Variants in RERE observed in about 807,000 individuals in gnomAD.
RERE encodes the protein arginine-glutamic acid dipeptide repeats protein.
A neutral mutation model predicts 146.1 loss-of-function variants in RERE; 40 were observed. The ratio of observed to expected loss-of-function variants is 0.27; its 90% CI spans 0.21 to 0.36. RERE has a LOEUF of 0.36. Among genes scored for constraint, RERE ranks in the 10% least tolerant of loss-of-function variants. The probability of loss-of-function intolerance (pLI) is 1.00; values close to 1 mark genes in which losing one functional copy is unlikely to be tolerated. For synonymous variants in RERE, 1,003 were observed against 866.0 expected (o/e 1.16, Z -2.78); for missense variants, 1,933 against 2,138.7 (o/e 0.90, Z 1.90).
At chr1:8,766,136 A>G (rs549921564) in intron 1 of RERE, among the ~76,000 whole-genome samples, 2 of 152,234 alleles carry the variant, frequency 1.3e-5, no homozygotes, top group South Asian at 4.1e-4. Context: ...AAAAGAAAAA[A>G]CAAACAAAAG....
In RERE at chr1:8,754,949, T is replaced by TAA. The variant is rs1242578521; in HGVS notation, c.-145+62209_-145+62210dup. Among the ~76,000 whole-genome samples, 5 of 152,344 alleles carry TAA rather than the reference T, an allele frequency of 3.3e-5. No individual in the cohort carries two copies. The East Asian group carries it at 9.6e-4, about 29-fold the overall frequency. On this transcript the variant is annotated intron_variant, in intron 1 of 22. Transcript: ENST00000400908. Reference sequence around the variant, plus strand: ...TAGAATTCAAGCCTCAATAAACCCCTAACTAATCTTATGTATTTATTTCCA... The same window carrying TAA: ...TAGAATTCAAGCCTCAATAAACCCCTAAAACTAATCTTATGTATTTATTTCCA...
chr1:8,726,204 G>T (rs1188733817), intron 1 of RERE, among the ~76,000 whole-genome samples: 1 of 138,062 alleles, frequency 7.2e-6, no homozygotes, highest in African/African-American at 2.8e-5. Context: ...GCCCAGGCTG[G>T]AGTGCAGCAG....
chr1:8,419,670 C>T (rs1643867704), intron 12 of RERE, among the ~76,000 whole-genome samples: 1 of 152,186 alleles, frequency 6.6e-6, no homozygotes, highest in Admixed American at 6.5e-5. Flanking sequence ...TATTTCTATG[C>T]ACTCTTTACA....
intron 1 of RERE, among the ~76,000 whole-genome samples, chr1:8,743,602 A>G (rs757513941): frequency 3.3e-5 from 5 of 151,978 alleles, no homozygotes; most frequent in Admixed American, 6.6e-5. Flanking sequence ...CAACTGATAT[A>G]TATTTCATCT....
Position 8,356,922 on chromosome 1 carries a change from C to T in RERE, c.4340-676G>A, listed in dbSNP as rs918933115. Among the ~76,000 whole-genome samples, 5 of 152,174 alleles carry T rather than the reference C, an allele frequency of 3.3e-5. No individual in the cohort carries two copies. The highest frequency in any genetic ancestry group is 5.9e-5 in the Non-Finnish European group (4 of 68,040). On this transcript the variant is annotated intron_variant, in intron 20 of 22. Coordinates refer to ENST00000400908, the MANE Select transcript of RERE (RefSeq NM_001042681.2). This position sits in a 1 kb window ranked among gnomAD's most constrained non-coding sequence, Gnocchi z 5.2. ...GGGTCCCTGGAAGATTGGGAGCCCC[C>T]GCTCTGCCTCTGTGGCTGCTCTTGC...
At chr1:8,736,861 A>C (rs1256876498) in intron 1 of RERE, among the ~76,000 whole-genome samples, 2 of 151,740 alleles carry the variant, frequency 1.3e-5, no homozygotes, top group East Asian at 1.9e-4. Flanking sequence ...GAAAAAAAAA[A>C]AAAAAAAAAA....
At chr1:8,409,527 A>C (rs1435644698) in intron 12 of RERE, among the ~76,000 whole-genome samples, 1 of 152,200 alleles carries the variant, frequency 6.6e-6, no homozygotes, top group Non-Finnish European at 1.5e-5. Flanking sequence ...ATCCCAAAGC[A>C]ATGATTTTAC....
intron 11 of RERE, among the ~76,000 whole-genome samples, chr1:8,445,131 A>G (rs1294218017): frequency 1.3e-5 from 2 of 152,170 alleles, no homozygotes; most frequent in African/African-American, 2.4e-5. Context: ...TAGGGATAAA[A>G]TATTTTTCTT....
chr1:8,466,571 A>G (rs1414349201), intron 10 of RERE, among the ~76,000 whole-genome samples: 5 of 152,080 alleles, frequency 3.3e-5, no homozygotes, highest in South Asian at 2.1e-4. Context: ...GTCACACTAG[A>G]TTATGTTCTT....
chr1:8,600,750 CTT>C (rs59816060), intron 4 of RERE, among the ~76,000 whole-genome samples: 1,585 of 113,404 alleles, frequency 0.014, 14 homozygotes, highest in African/African-American at 0.044. Context: ...CAAGCCAATA[CTT>C]TTTTTTTTTT....
chr1:8,380,675 T>G (rs1427456298), intron 12 of RERE: 1 of 362,522 alleles, frequency 2.8e-6, no homozygotes, highest in Non-Finnish European at 5.5e-6. Context: ...AAGCTTGATT[T>G]TCCAGCTGCA....
chr1:8,495,654 T>C (rs1007747060), intron 9 of RERE, among the ~76,000 whole-genome samples: 2 of 152,138 alleles, frequency 1.3e-5, no homozygotes, highest in Non-Finnish European at 2.9e-5. Flanking sequence ...CAGAAAGACA[T>C]ATGTTACTTT....
intron 12 of RERE, among the ~76,000 whole-genome samples, chr1:8,413,269 G>A (rs1464001198): frequency 1.3e-5 from 2 of 152,142 alleles, no homozygotes; most frequent in Non-Finnish European, 2.9e-5. Flanking sequence ...GCACACATGT[G>A]TGCAGAGTAA....
chr1:8,768,790 A>G lies in RERE; in HGVS notation c.-145+48370T>C, dbSNP rs182401692. 7.7e-4 allele frequency among the ~76,000 whole-genome samples: 117 copies of G among 152,318 alleles called. 1 individual carries two copies. Among genetic ancestry groups the G allele is most frequent in the Non-Finnish European group, 1.5e-3 (100 of 68,024 alleles). On this transcript the variant is annotated intron_variant, in intron 1 of 22. Coordinates refer to ENST00000400908, the MANE Select transcript of RERE (RefSeq NM_001042681.2). The stretch of plus-strand genomic sequence containing the variant: ...GAAGAGCCTTTGGTTCTATTCTCAT[A>G]ATACAAGAGCTCTAAAGTCTCAAAA...
At chr1:8,660,237 T>C (rs1638423920) in intron 1 of RERE, among the ~76,000 whole-genome samples, 1 of 152,204 alleles carries the variant, frequency 6.6e-6, no homozygotes, top group East Asian at 1.9e-4. Flanking sequence ...ATGTTTAGCA[T>C]ATGAATTATA....
intron 2 of RERE, among the ~76,000 whole-genome samples, chr1:8,653,990 G>A (rs1182333225): frequency 1.3e-5 from 2 of 151,030 alleles, no homozygotes; most frequent in Admixed American, 6.6e-5. Context: ...AATTGTAGCT[G>A]TGAATGCAAA....
At chr1:8,361,532 G>A (rs1483248860) in intron 17 of RERE, 42 bp from the exon 18 acceptor site, 3 of 1,597,098 alleles carry the variant, frequency 1.9e-6, no homozygotes, top group South Asian at 1.1e-5. Context: ...CAGGAGGGCA[G>A]AGCCCTGTCT....
At chr1:8,571,461 C>T (rs955919516) in intron 4 of RERE, among the ~76,000 whole-genome samples, 1 of 152,138 alleles carries the variant, frequency 6.6e-6, no homozygotes, top group Non-Finnish European at 1.5e-5. Context: ...AAATTACTGA[C>T]TCAAAAGTTG....
intron 2 of RERE, among the ~76,000 whole-genome samples, chr1:8,631,595 T>C (rs1163073587): frequency 2.6e-5 from 4 of 152,168 alleles, no homozygotes. Context: ...TTAGCCATGG[T>C]TGGACACTTA....
Sources: gnomAD v4.1 joint callset for allele counts (sites outside exome capture counted in the v4.1 genomes callset) on GRCh38, gnomAD v4.1.1 for gene constraint, Gnocchi (gnomAD v3.1) non-coding constraint, MANE v1.5 for transcripts, NCBI Gene and HGNC (gene_info 2026-07-23, HGNC 2026-07-21) for gene names.